The following ZNF362 variants were observed in gnomAD, a reference collection of about 807,000 sequenced individuals.
ZNF362 encodes the protein zinc finger protein 362.
In ZNF362, 11 loss-of-function variants were observed where a neutral mutation model predicts 42.9. The ratio of observed to expected loss-of-function variants is 0.26; its 90% confidence interval spans 0.16 to 0.42. ZNF362 has a LOEUF of 0.42. ZNF362 is among the 20% of genes least tolerant of loss of function. The pLI is 1.00. For missense variants in ZNF362, 362 were observed against 576.2 expected (o/e 0.63, Z 3.81); for synonymous variants, 255 against 257.3 (o/e 0.99, Z 0.09).
the ZNF362 span, among the ~76,000 whole-genome samples, chr1:33,152,999 TGGA>T: frequency 6.5e-5 from 7 of 108,434 alleles, no homozygotes; most frequent in African/African-American, 2.2e-4. Context: ...AGGTCACAGT[TGGA>T]GGAGAGCTTC....
the ZNF362 span, among the ~76,000 whole-genome samples, chr1:33,168,960 C>T: frequency 2.6e-5 from 4 of 152,226 alleles, no homozygotes; most frequent in Non-Finnish European, 4.4e-5. Context: ...CTGGACATTT[C>T]CTCCCTGATT....
the ZNF362 span, among the ~76,000 whole-genome samples, chr1:33,231,048 A>G: frequency 2.0e-5 from 3 of 152,226 alleles, no homozygotes; most frequent in Admixed American, 6.5e-5. Flanking sequence ...CACCACAACA[A>G]TAATAATAAA....
chr1:33,152,235 G>C, the ZNF362 span, among the ~76,000 whole-genome samples: 1 of 152,312 alleles, frequency 6.6e-6, no homozygotes, highest in Admixed American at 6.5e-5. Context: ...TTCACATCAT[G>C]CTCTTCCCAG....
the ZNF362 span, among the ~76,000 whole-genome samples, chr1:33,223,223 C>T: frequency 6.6e-6 from 1 of 152,086 alleles, no homozygotes. Flanking sequence ...TGCACTCCAG[C>T]CTGGTGATAG....
At chr1:33,271,932 G>A (rs761648451) in intron 2 of ZNF362, among the ~76,000 whole-genome samples, 7 of 152,188 alleles carry the variant, frequency 4.6e-5, no homozygotes, top group Non-Finnish European at 7.3e-5. Flanking sequence ...CCCAGGAGTC[G>A]GCCAAAGGGA....
At chr1:33,222,961 G>C in the ZNF362 span, among the ~76,000 whole-genome samples, 2 of 152,086 alleles carry the variant, frequency 1.3e-5, no homozygotes, top group African/African-American at 4.8e-5. Flanking sequence ...TTTAAAAACA[G>C]GAGTTTCCCA....
the ZNF362 span, among the ~76,000 whole-genome samples, chr1:33,182,600 TTGTGTGTG>T: frequency 1.4e-4 from 21 of 147,076 alleles, no homozygotes; most frequent in South Asian, 4.3e-4. Flanking sequence ...AGTGCTGTAT[TTGTGTGTG>T]TGTGTGTGTG....
At chr1:33,181,574 G>T in the ZNF362 span, 1 of 1,384,032 alleles carries the variant, frequency 7.2e-7, no homozygotes, top group Non-Finnish European at 9.4e-7. This position sits in a 1 kb window ranked among gnomAD's most constrained non-coding sequence, Gnocchi z 6.5. Flanking sequence ...AGAAGGGAGG[G>T]GGTGCTGTCC....
the ZNF362 span, among the ~76,000 whole-genome samples, chr1:33,197,314 C>T: frequency 6.6e-6 from 1 of 152,196 alleles, no homozygotes; most frequent in East Asian, 1.9e-4. Flanking sequence ...GGGACTTTGC[C>T]TTGTAATCGT....
chr1:33,258,961 T>C (rs1645812072), intron 1 of ZNF362, among the ~76,000 whole-genome samples: 1 of 152,170 alleles, frequency 6.6e-6, no homozygotes, highest in South Asian at 2.1e-4. Flanking sequence ...AGGTGGACTT[T>C]GGTGCTGTGG....
upstream of ZNF362, among the ~76,000 whole-genome samples, chr1:33,254,714 G>T (rs566424527): frequency 4.8e-5 from 7 of 146,332 alleles, no homozygotes; most frequent in African/African-American, 7.3e-5. Flanking sequence ...TCCCTGTAAA[G>T]TTACTCCTTT....
the ZNF362 span, among the ~76,000 whole-genome samples, chr1:33,240,862 T>C: frequency 6.6e-6 from 1 of 152,210 alleles, no homozygotes; most frequent in Non-Finnish European, 1.5e-5. Context: ...TACAGAACTT[T>C]GGAAAAAATG....
intron 2 of ZNF362, among the ~76,000 whole-genome samples, chr1:33,274,424 C>T (rs1371481375): frequency 2.6e-5 from 4 of 152,168 alleles, no homozygotes; most frequent in Non-Finnish European, 4.4e-5. Context: ...ATTATTGTTT[C>T]GAGTTTGTTC....
At chr1:33,159,570 T>C in the ZNF362 span, 7 of 1,383,168 alleles carry the variant, frequency 5.1e-6, no homozygotes, top group Non-Finnish European at 6.7e-6. The surrounding 1 kb of genome is among the most constrained non-coding windows in gnomAD (Gnocchi z 4.2). Context: ...AAATGTTTGA[T>C]GAAGATTTGA....
At chr1:33,224,777 A>T in the ZNF362 span, among the ~76,000 whole-genome samples, 1 of 152,236 alleles carries the variant, frequency 6.6e-6, no homozygotes, top group Non-Finnish European at 1.5e-5. Context: ...CTGAAGAAAG[A>T]TATCAAGTCA....
chr1:33,297,681 T>C (rs933015602), intron 8 of ZNF362, among the ~76,000 whole-genome samples: 12 of 152,070 alleles, frequency 7.9e-5, no homozygotes, highest in Non-Finnish European at 1.6e-4. Flanking sequence ...CCACCTAATG[T>C]TTTTGTATCT....
chr1:33,213,492 A>T, the ZNF362 span, among the ~76,000 whole-genome samples: 2 of 152,160 alleles, frequency 1.3e-5, no homozygotes, highest in African/African-American at 4.8e-5. Context: ...GTGTTGGTGA[A>T]TTTAAATAAG....
At chr1:33,263,949 C>T (rs547546459) in intron 1 of ZNF362, among the ~76,000 whole-genome samples, 1 of 152,332 alleles carries the variant, frequency 6.6e-6, no homozygotes, top group Admixed American at 6.5e-5. Context: ...ACCCCACACC[C>T]TCCCCACTCC....
At chr1:33,289,787 G>A (rs959573566) in intron 6 of ZNF362, among the ~76,000 whole-genome samples, 11 of 152,208 alleles carry the variant, frequency 7.2e-5, no homozygotes, top group African/African-American at 2.7e-4. Context: ...GCCCAAGGGA[G>A]TTCCTCTGAA....
Sources: gnomAD v4.1 joint callset for allele counts (sites outside exome capture counted in the v4.1 genomes callset) on GRCh38, gnomAD v4.1.1 for gene constraint, Gnocchi (gnomAD v3.1) non-coding constraint, MANE v1.5 for transcripts, NCBI Gene and HGNC (gene_info 2026-07-23, HGNC 2026-07-21) for gene names.